FHIT: variants seen among roughly 807,000 people sequenced by gnomAD.
FHIT encodes fragile histidine triad diadenosine triphosphatase, also known as bis(5'-adenosyl)-triphosphatase.
FHIT carries 19 observed loss-of-function variants against 17.9 expected under a neutral mutation model. The observed-to-expected ratio is 1.06, with a 90% CI of 0.74 to 1.56. The LOEUF (loss-of-function observed/expected upper bound fraction) is 1.56, where lower values mean the gene tolerates loss of function less well. Ranked by LOEUF, FHIT falls within the 40% of genes most tolerant of loss-of-function variation. The pLI, the probability that FHIT is intolerant of heterozygous loss-of-function variation, is 0.00. For missense variants in FHIT, 248 were observed against 189.2 expected (o/e 1.31, Z -1.82); for synonymous variants, 81 against 69.7 (o/e 1.16, Z -0.81).
chr3:60,930,804 T>C (rs1166169291), intron 3 of FHIT, among the ~76,000 whole-genome samples: 5 of 152,200 alleles, frequency 3.3e-5, no homozygotes, highest in Admixed American at 2.0e-4. Flanking sequence ...GAAGTCAGTG[T>C]GGTGATTCCT....
At chr3:60,641,141 T>C (rs1049830364) in intron 4 of FHIT, among the ~76,000 whole-genome samples, 4 of 151,938 alleles carry the variant, frequency 2.6e-5, no homozygotes, top group African/African-American at 9.7e-5. Context: ...GATTATGCCA[T>C]TGCACTCCGG....
chr3:59,873,348 C>T (rs1457278690), intron 8 of FHIT, among the ~76,000 whole-genome samples: 1 of 152,146 alleles, frequency 6.6e-6, no homozygotes, highest in African/African-American at 2.4e-5. Context: ...TTACTATATG[C>T]CTGACATTGT....
intron 8 of FHIT, among the ~76,000 whole-genome samples, chr3:59,810,633 A>C (rs1700377031): frequency 6.6e-6 from 1 of 152,180 alleles, no homozygotes; most frequent in Non-Finnish European, 1.5e-5. Context: ...CAGATGTGTT[A>C]ATTTATAGCA....
chr3:61,079,685 CAT>C (rs2035076109), intron 2 of FHIT, among the ~76,000 whole-genome samples: 2 of 152,186 alleles, frequency 1.3e-5, no homozygotes, highest in Non-Finnish European at 2.9e-5. Flanking sequence ...CACACACACA[CAT>C]ACACATGCAA....
At chr3:60,463,084 TAAG>T (rs1261750279) in intron 5 of FHIT, among the ~76,000 whole-genome samples, 1 of 152,158 alleles carries the variant, frequency 6.6e-6, no homozygotes, top group Non-Finnish European at 1.5e-5. Flanking sequence ...ACTTCACAAA[TAAG>T]AAAGTTTAAA....
intron 8 of FHIT, among the ~76,000 whole-genome samples, chr3:59,822,882 G>A (rs567858092): frequency 1.3e-5 from 2 of 152,246 alleles, no homozygotes; most frequent in Non-Finnish European, 2.9e-5. Context: ...CTAAGCCAAT[G>A]TCTAGAAGGG....
At chr3:60,814,406 C>T (rs1354780077) in intron 4 of FHIT, among the ~76,000 whole-genome samples, 1 of 152,072 alleles carries the variant, frequency 6.6e-6, no homozygotes, top group East Asian at 1.9e-4. Context: ...ACCATCTTCA[C>T]GTCCACACGT....
At chr3:60,431,834 C>T (rs1350158784) in intron 5 of FHIT, among the ~76,000 whole-genome samples, 1 of 152,038 alleles carries the variant, frequency 6.6e-6, no homozygotes, top group Non-Finnish European at 1.5e-5. Context: ...TTATGGCCAC[C>T]CTGAGACAAA....
intron 5 of FHIT, among the ~76,000 whole-genome samples, chr3:60,114,333 C>T (rs1343454334): frequency 6.6e-6 from 1 of 150,962 alleles, no homozygotes; most frequent in African/African-American, 2.4e-5. Context: ...CACAGATACA[C>T]AAATAAGCAA....
intron 3 of FHIT, among the ~76,000 whole-genome samples, chr3:60,879,572 G>A (rs910311075): frequency 8.6e-5 from 13 of 151,978 alleles, no homozygotes; most frequent in African/African-American, 1.2e-4. Flanking sequence ...AAACCCTAAT[G>A]ACAAGAAAAT....
intron 2 of FHIT, among the ~76,000 whole-genome samples, chr3:61,188,760 A>G (rs2038611512): frequency 6.6e-6 from 1 of 152,150 alleles, no homozygotes; most frequent in Non-Finnish European, 1.5e-5. Context: ...CATCCCTGGG[A>G]TACAAGGCTG....
intron 3 of FHIT, among the ~76,000 whole-genome samples, chr3:60,849,767 G>A (rs1703074482): frequency 6.6e-6 from 1 of 151,890 alleles, no homozygotes; most frequent in Admixed American, 6.6e-5. Context: ...TAGAAAATAG[G>A]CTTGCCATGC....
chr3:60,056,316 A>C (rs1368379191), intron 5 of FHIT, among the ~76,000 whole-genome samples: 5 of 152,152 alleles, frequency 3.3e-5, no homozygotes, highest in Non-Finnish European at 7.4e-5. Flanking sequence ...CTATTACTTG[A>C]GATTTATTTG....
At chr3:59,752,345 G>A in intron 8 of FHIT, 24 bp from the exon 9 acceptor site, 1 of 1,590,330 alleles carries the variant, frequency 6.3e-7, no homozygotes, top group Non-Finnish European at 8.6e-7. Flanking sequence ...AAAAGGAAGA[G>A]GCTCTTTCAT....
chr3:60,713,769 T>G (rs1422551240), intron 4 of FHIT, among the ~76,000 whole-genome samples: 6 of 151,972 alleles, frequency 3.9e-5, no homozygotes, highest in South Asian at 4.2e-4. Context: ...AATAACAGGA[T>G]CTGAAATTGT....
At position 60,066,630 on chromosome 3, in the gene FHIT, A is replaced by ATTTTTT. The variant is rs71089574; in HGVS notation, c.104-52484_104-52479dup. ...ATAGGTTGATTTTAATCCCTGACAA[A>ATTTTTT]TTTTTTTTTTTTTTTTTTTTTTTTT... On this transcript the variant is annotated intron_variant, in intron 5 of 9. Transcript: ENST00000492590. Among the ~76,000 whole-genome samples, 142 of 51,408 alleles carry ATTTTTT rather than the reference A, an allele frequency of 2.8e-3. 21 individuals are homozygous for ATTTTTT. The highest frequency in any genetic ancestry group is 3.5e-3 in the Non-Finnish European group (98 of 27,690). The allele number at this position is 51,408 out of a possible 152,430, so 33.7% of individuals were successfully genotyped here.
At position 59,988,903 on chromosome 3, in the gene FHIT, G is replaced by A. The variant is rs1199290008; in HGVS notation, c.279+22468C>T. Among the ~76,000 whole-genome samples the A allele has an allele frequency of 2.6e-5, 4 of 152,190 alleles. No individual in the cohort carries two copies. In the East Asian group the frequency reaches 7.8e-4, roughly 30 times the overall value. The stretch of plus-strand genomic sequence containing the variant: ...GTAAAGGACAGGTAGTATTTGCTGA[G>A]CTACTCTAAGACAGATTCTCCCACC... On this transcript the variant is annotated intron_variant, in intron 7 of 9. Coordinates refer to ENST00000492590, the MANE Select transcript of FHIT (RefSeq NM_002012.4).
chr3:60,557,034 G>T (rs2107636218), intron 4 of FHIT, among the ~76,000 whole-genome samples: 1 of 152,284 alleles, frequency 6.6e-6, no homozygotes, highest in Middle Eastern at 3.4e-3. Flanking sequence ...ATTTAAAATT[G>T]GCATTTGTTA....
At chr3:60,522,706 T>G (rs1404342927) in intron 5 of FHIT, among the ~76,000 whole-genome samples, 2 of 152,210 alleles carry the variant, frequency 1.3e-5, no homozygotes, top group Non-Finnish European at 2.9e-5. Context: ...CATCATCTCC[T>G]TGAGGAAGAA....
Sources: gnomAD v4.1 joint callset for allele counts (sites outside exome capture counted in the v4.1 genomes callset) on GRCh38, gnomAD v4.1.1 for gene constraint, MANE v1.5 for transcripts, NCBI Gene and HGNC (gene_info 2026-07-23, HGNC 2026-07-21) for gene names.